Variants in CCDC91 observed in about 807,000 individuals in gnomAD.
The protein encoded by CCDC91 is coiled-coil domain-containing protein 91.
CCDC91 carries 48 observed loss-of-function variants against 63.2 expected under a neutral mutation model. The observed-to-expected ratio is 0.76, with a 90% CI of 0.60 to 0.97. The LOEUF is 0.97. CCDC91 is among the 50% of genes least tolerant of loss of function. CCDC91 has a pLI of 0.00. For synonymous variants in CCDC91, 167 were observed against 165.8 expected, an observed-to-expected ratio of 1.01 and a Z score of -0.06; for missense variants, 500 against 494.6, an observed-to-expected ratio of 1.01 and a Z score of -0.10.
chr12:28,313,611 CAG>C (rs1939541758), intron 6 of CCDC91, among the ~76,000 whole-genome samples: 1 of 152,020 alleles, frequency 6.6e-6, no homozygotes, highest in African/African-American at 2.4e-5. Flanking sequence ...ATAATTCTAA[CAG>C]TGTTATTTTA....
At chr12:28,503,055 A>G (rs972200816) in intron 12 of CCDC91, among the ~76,000 whole-genome samples, 12 of 152,308 alleles carry the variant, frequency 7.9e-5, no homozygotes, top group African/African-American at 2.6e-4. Context: ...ACCAAAAGCA[A>G]TGGCAACAAA....
At chr12:28,230,858 CA>C (rs1592052593) in intron 1 of CCDC91, among the ~76,000 whole-genome samples, 1 of 152,280 alleles carries the variant, frequency 6.6e-6, no homozygotes, top group East Asian at 1.9e-4. Flanking sequence ...CTCCTGGACT[CA>C]AGTGATCTGC....
At position 28,244,675 on chromosome 12, in the gene CCDC91, T is replaced by C. The variant is rs529988731; in HGVS notation, c.-14-12527T>C. Reference sequence around the variant, plus strand: ...GCTGGCTGTTGGCTGGGAACTTAATTAGGCAGTCAGTTGGAAAACTTACAT... The same window carrying C: ...GCTGGCTGTTGGCTGGGAACTTAATCAGGCAGTCAGTTGGAAAACTTACAT... On this transcript the variant is annotated intron_variant, in intron 1 of 12. Transcript: ENST00000536442. 5.3e-5 allele frequency among the ~76,000 whole-genome samples: 8 copies of C among 151,830 alleles called. No homozygotes were observed. The South Asian group carries it at 1.0e-3, about 20-fold the overall frequency.
intron 6 of CCDC91, among the ~76,000 whole-genome samples, chr12:28,321,188 A>G (rs1481334458): frequency 2.6e-5 from 4 of 151,842 alleles, no homozygotes; most frequent in African/African-American, 7.2e-5. Flanking sequence ...TTTGAAAGCC[A>G]CTTGCTGAGA....
intron 8 of CCDC91, among the ~76,000 whole-genome samples, chr12:28,431,393 A>C (rs1260525542): frequency 6.6e-6 from 1 of 152,070 alleles, no homozygotes; most frequent in Non-Finnish European, 1.5e-5. Flanking sequence ...TGCTTTATGG[A>C]ATATGAAGTT....
At chr12:28,244,494 C>CTTTTTTTTTTT (rs3064681) in intron 1 of CCDC91, among the ~76,000 whole-genome samples, 6 of 38,426 alleles carry the variant, frequency 1.6e-4, no homozygotes, top group African/African-American at 3.5e-4. Flanking sequence ...TAGAAGAAGG[C>CTTTTTTTTTTT]TTTTTTTTTT....
rs193210120 is a variant in CCDC91, at chr12:28,338,048, A to G, written c.577-24390A>G. On this transcript the variant is annotated intron_variant, in intron 6 of 12. Transcript: ENST00000536442. ...GACAGAAGTCTTGAATTTACAGTCT[A>G]TATTTTAGTGGTGTATAGACATAGA... 4.8e-3 allele frequency among the ~76,000 whole-genome samples: 736 copies of G among 152,252 alleles called. 3 individuals are homozygous for G. The highest frequency in any genetic ancestry group is 7.3e-3 in the Non-Finnish European group (499 of 68,000).
At chr12:28,202,116 CTCTA>C (rs1206091637) in intron 1 of CCDC91, among the ~76,000 whole-genome samples, 6 of 142,942 alleles carry the variant, frequency 4.2e-5, no homozygotes, top group Non-Finnish European at 4.8e-5. Flanking sequence ...ATTTTGTAAT[CTCTA>C]TCTCTTCATT....
At chr12:28,312,551 G>T (rs981445698) in intron 6 of CCDC91, among the ~76,000 whole-genome samples, 3 of 152,042 alleles carry the variant, frequency 2.0e-5, no homozygotes, top group East Asian at 1.9e-4. Flanking sequence ...AGGAATAAGA[G>T]ATGTGATTAA....
rs114087590 is a variant in CCDC91 at position 28,472,454 on chromosome 12, T to C, written c.1102-11598T>C. 5.5e-3 allele frequency among the ~76,000 whole-genome samples: 845 copies of C among 152,302 alleles called. 8 individuals are homozygous for C. Among genetic ancestry groups the C allele is most frequent in the African/African-American group, 0.02 (819 of 41,564 alleles). On this transcript the variant is annotated intron_variant, in intron 11 of 12. Transcript: ENST00000536442. ...ATGAGAAAAAAGTTAACAATTTTTATTGAAATTAAAAGTATAATGGATTAC... is the reference window on the plus strand; with the variant it reads ...ATGAGAAAAAAGTTAACAATTTTTACTGAAATTAAAAGTATAATGGATTAC...
Position 28,253,893 on chromosome 12 carries a change from T to C in CCDC91, c.-14-3309T>C, listed in dbSNP as rs188416999. On this transcript the variant is annotated intron_variant, in intron 1 of 12. Coordinates refer to ENST00000536442, the MANE Select transcript of CCDC91 (RefSeq NM_018318.5). Reference sequence around the variant, plus strand: ...ATCTTCTGAAAATCTTTCTTCTTACTTTGGAAATTTTTTCTTCTCTTTTGA... The same window carrying C: ...ATCTTCTGAAAATCTTTCTTCTTACCTTGGAAATTTTTTCTTCTCTTTTGA... Among the ~76,000 whole-genome samples, 206 of 152,338 alleles carry C rather than the reference T, an allele frequency of 1.4e-3. 1 individual carries two copies. Among genetic ancestry groups the C allele is most frequent in the African/African-American group, 4.6e-3 (191 of 41,586 alleles).
chr12:28,479,882 G>A (rs11049653), intron 11 of CCDC91, among the ~76,000 whole-genome samples: 31,959 of 151,926 alleles, frequency 0.21, 4,373 homozygotes, highest in Non-Finnish European at 0.31. Flanking sequence ...ATCATATGGG[G>A]TGAGGCAAGG....
At chr12:28,456,837 C>G (rs1254884931) in intron 11 of CCDC91, among the ~76,000 whole-genome samples, 1 of 151,954 alleles carries the variant, frequency 6.6e-6, no homozygotes, top group Non-Finnish European at 1.5e-5. Flanking sequence ...AAATGGAATT[C>G]AGGGGAGTTG....
intron 11 of CCDC91, among the ~76,000 whole-genome samples, chr12:28,482,851 T>C (rs1328900230): frequency 3.3e-5 from 5 of 151,966 alleles, no homozygotes; most frequent in Non-Finnish European, 2.9e-5. Flanking sequence ...CTGTATTTTA[T>C]TTAAAGTGAC....
intron 12 of CCDC91, among the ~76,000 whole-genome samples, chr12:28,546,765 T>C (rs2141878374): frequency 6.6e-6 from 1 of 152,148 alleles, no homozygotes; most frequent in South Asian, 2.1e-4. Flanking sequence ...CAAGAGACAC[T>C]GATCCTCTAT....
At chr12:28,273,901 A>C (rs559585986) in intron 3 of CCDC91, among the ~76,000 whole-genome samples, 49 of 152,348 alleles carry the variant, frequency 3.2e-4, no homozygotes, top group Non-Finnish European at 6.8e-4. Flanking sequence ...TGTTTTTGAC[A>C]TGAAGTCCTT....
intron 12 of CCDC91, among the ~76,000 whole-genome samples, chr12:28,522,893 T>A (rs1453691837): frequency 1.3e-5 from 2 of 152,148 alleles, no homozygotes; most frequent in Non-Finnish European, 1.5e-5. Flanking sequence ...TTTGAGTGAG[T>A]TTCTTAATCG....
intron 3 of CCDC91, among the ~76,000 whole-genome samples, chr12:28,278,671 A>T (rs905353905): frequency 6.6e-6 from 1 of 152,044 alleles, no homozygotes; most frequent in Non-Finnish European, 1.5e-5. Context: ...TTTCAATTAT[A>T]TTGAAGTACT....
chr12:28,519,680 A>G (rs1011025739), intron 12 of CCDC91, among the ~76,000 whole-genome samples: 8 of 149,150 alleles, frequency 5.4e-5, no homozygotes, highest in African/African-American at 2.0e-4. Flanking sequence ...TTAACTCATC[A>G]TTTACATTAG....
Sources: gnomAD v4.1 joint callset for allele counts (sites outside exome capture counted in the v4.1 genomes callset) on GRCh38, gnomAD v4.1.1 for gene constraint, MANE v1.5 for transcripts, NCBI Gene and HGNC (gene_info 2026-07-23, HGNC 2026-07-21) for gene names.